The following P2RY14 variants were observed in gnomAD, a reference collection of about 807,000 sequenced individuals.
The protein encoded by P2RY14 is purinergic receptor P2Y14.
A neutral mutation model predicts 0.9 loss-of-function variants in P2RY14; 2 were observed. That is an observed-to-expected ratio of 2.16 (90% CI 0.88 to 6.79). The LOEUF is 6.79. P2RY14 is among the 30% of genes most tolerant of loss of function. P2RY14 has a pLI of 0.05. For missense variants in P2RY14, 378 were observed against 400.1 expected, an observed-to-expected ratio of 0.94 and a Z score of 0.47; for synonymous variants, 158 against 147.2, an observed-to-expected ratio of 1.07 and a Z score of -0.53.
At chr3:151,247,582 A>T (rs1427752146) in intron 1 of P2RY14, among the ~76,000 whole-genome samples, 1 of 134,080 alleles carries the variant, frequency 7.5e-6, no homozygotes, top group African/African-American at 2.7e-5. Flanking sequence ...TGGACACAGG[A>T]AGGGGAATAT....
chr3:151,270,048 A>T (rs1740591559), intron 1 of P2RY14: 1 of 232,402 alleles, frequency 4.3e-6, no homozygotes, highest in Non-Finnish European at 8.4e-6. Flanking sequence ...AGATATTGAT[A>T]AAGAAAGGGG....
At chr3:151,256,080 A>G (rs934097459) in intron 1 of P2RY14, among the ~76,000 whole-genome samples, 1 of 152,242 alleles carries the variant, frequency 6.6e-6, no homozygotes, top group Non-Finnish European at 1.5e-5. Flanking sequence ...ATAGAAATAC[A>G]GTGCTATGCT....
chr3:151,272,419 C>T (rs1577197996), intron 1 of P2RY14, among the ~76,000 whole-genome samples: 1 of 152,286 alleles, frequency 6.6e-6, no homozygotes, highest in East Asian at 1.9e-4. Context: ...TGTATCATGT[C>T]CCTCTTACAA....
chr3:151,238,102 T>C (rs549083819), intron 1 of P2RY14, among the ~76,000 whole-genome samples: 12 of 152,300 alleles, frequency 7.9e-5, no homozygotes, highest in Non-Finnish European at 1.5e-4. Flanking sequence ...TTAAAACTTT[T>C]CTGTCCTAAA....
chr3:151,239,466 C>G (rs1397987811), intron 1 of P2RY14, among the ~76,000 whole-genome samples: 2 of 152,130 alleles, frequency 1.3e-5, no homozygotes. Flanking sequence ...TATGAGAATC[C>G]AACTGTCTTC....
intron 1 of P2RY14, among the ~76,000 whole-genome samples, chr3:151,265,903 G>C (rs1440196041): frequency 6.6e-6 from 1 of 152,156 alleles, no homozygotes; most frequent in Non-Finnish European, 1.5e-5. Flanking sequence ...GCAGAGTCTT[G>C]CGGCCCTGAG....
chr3:151,224,383 A>G lies in P2RY14; in HGVS notation c.-132-4741T>C, dbSNP rs35014137. ...TATAGATGTATGTAATCATTTATAC[A>G]TTTTTAAACTTACTGAAGCCATTTT... On this transcript the variant is annotated intron_variant, in intron 1 of 2. Coordinates refer to ENST00000309170, the MANE Select transcript of P2RY14 (RefSeq NM_014879.4). 8.2e-3 allele frequency among the ~76,000 whole-genome samples: 1,238 copies of G among 151,246 alleles called. 9 individuals are homozygous for G. The highest frequency in any genetic ancestry group is 0.013 in the Non-Finnish European group (892 of 67,926).
intron 1 of P2RY14, among the ~76,000 whole-genome samples, chr3:151,220,187 C>A (rs1036671263): frequency 6.7e-6 from 1 of 150,138 alleles, no homozygotes; most frequent in South Asian, 2.1e-4. Flanking sequence ...TGCCAAATGT[C>A]CTCTGAGGGA....
intron 1 of P2RY14, among the ~76,000 whole-genome samples, chr3:151,228,719 A>G (rs1026223245): frequency 1.3e-5 from 2 of 152,184 alleles, no homozygotes; most frequent in African/African-American, 4.8e-5. Context: ...ACACAATGCT[A>G]ATCTTTCATG....
At chr3:151,263,771 C>CA (rs1317151397) in intron 1 of P2RY14, among the ~76,000 whole-genome samples, 2 of 150,582 alleles carry the variant, frequency 1.3e-5, no homozygotes, top group Non-Finnish European at 3.0e-5. Context: ...CCACCCCCCC[C>CA]ACTTATCAGC....
At chr3:151,277,481 A>G (rs939804049) in intron 1 of P2RY14, among the ~76,000 whole-genome samples, 3 of 152,092 alleles carry the variant, frequency 2.0e-5, no homozygotes, top group Non-Finnish European at 4.4e-5. Flanking sequence ...TATACAAACT[A>G]TTTATTTTTT....
Position 151,214,165 on chromosome 3 carries a change from G to A in P2RY14, c.152C>T (p.Pro51Leu). ...ATAGATGATGAAACTCTTAGAGCTG[G>A]GCACGTAAAAGAATATCCATCCTGA... ...GVSGWIFFYV[P>L]SSKSFIIYLK... Residue 51 changes from proline (P) to leucine (L), a missense_variant, in exon 3 of 3, where the codon CCC becomes CTC. By Grantham distance (98) the Pro-to-Leu change is moderately conservative. Coordinates refer to ENST00000309170, the MANE Select transcript of P2RY14 (RefSeq NM_014879.4). 1 of 1,614,090 alleles carries A rather than the reference G, an allele frequency of 6.2e-7. No individual in the cohort carries two copies. The highest frequency in any genetic ancestry group is 8.5e-7 in the Non-Finnish European group (1 of 1,179,996).
chr3:151,238,841 G>A (rs1052985216), intron 1 of P2RY14, among the ~76,000 whole-genome samples: 15 of 152,140 alleles, frequency 9.9e-5, no homozygotes, highest in African/African-American at 3.6e-4. Flanking sequence ...ATTGTCTAGA[G>A]GAATGAACAC....
At chr3:151,269,790 C>A in intron 1 of P2RY14, 3 of 416,964 alleles carry the variant, frequency 7.2e-6, no homozygotes, top group South Asian at 3.6e-5. Flanking sequence ...CCACTGAAGT[C>A]AAATGCAAAT....
chr3:151,218,027 C>T (rs1728578382), intron 2 of P2RY14, among the ~76,000 whole-genome samples: 1 of 152,144 alleles, frequency 6.6e-6, no homozygotes, highest in Admixed American at 6.5e-5. Context: ...ATTTGGACCT[C>T]GTGATATCTA....
intron 1 of P2RY14, chr3:151,269,753 A>G (rs1481470932): frequency 7.1e-6 from 3 of 423,074 alleles, no homozygotes; most frequent in Admixed American, 5.6e-5. Context: ...TTTCATCTGA[A>G]TGAGAGTGGT....
At chr3:151,217,864 T>C (rs1728548284) in intron 2 of P2RY14, among the ~76,000 whole-genome samples, 1 of 152,206 alleles carries the variant, frequency 6.6e-6, no homozygotes, top group Non-Finnish European at 1.5e-5. Context: ...GGCAGCCTTT[T>C]CTGTAGGGCA....
At chr3:151,248,416 G>A (rs1736179332) in intron 1 of P2RY14, among the ~76,000 whole-genome samples, 1 of 152,036 alleles carries the variant, frequency 6.6e-6, no homozygotes, top group Non-Finnish European at 1.5e-5. Context: ...AGCATTTTGT[G>A]CTTTTAAACC....
intron 1 of P2RY14, among the ~76,000 whole-genome samples, chr3:151,266,069 C>A (rs1739779612): frequency 6.6e-6 from 1 of 152,180 alleles, no homozygotes; most frequent in African/African-American, 2.4e-5. Context: ...TGCACAGGTG[C>A]CCTTGGCTTT....
Sources: gnomAD v4.1 joint callset for allele counts (sites outside exome capture counted in the v4.1 genomes callset) on GRCh38, gnomAD v4.1.1 for gene constraint, MANE v1.5 for transcripts, NCBI Gene and HGNC (gene_info 2026-07-23, HGNC 2026-07-21) for gene names.